DPP8: variants seen among roughly 807,000 people sequenced by gnomAD.
DPP8 encodes the protein dipeptidyl peptidase 8.
DPP8 carries 31 observed loss-of-function variants against 107.5 expected under a neutral mutation model. That is an observed-to-expected ratio of 0.29 (90% confidence interval 0.22 to 0.39). DPP8 has a LOEUF of 0.39. Among genes scored for constraint, DPP8 ranks in the 10% least tolerant of loss-of-function variants. DPP8 has a pLI of 1.00. For synonymous variants in DPP8, 381 were observed against 356.6 expected, an observed-to-expected ratio of 1.07 and a Z score of -0.77; for missense variants, 842 against 1,076.1, an observed-to-expected ratio of 0.78 and a Z score of 3.04.
chr15:65,494,849 C>T (rs1256778141), intron 5 of DPP8, among the ~76,000 whole-genome samples: 4 of 152,076 alleles, frequency 2.6e-5, no homozygotes, highest in African/African-American at 9.7e-5. Flanking sequence ...CTATCCTATG[C>T]TCTAGATTTA....
chr15:65,476,590 C>A (rs1595955179), intron 11 of DPP8, among the ~76,000 whole-genome samples: 1 of 152,242 alleles, frequency 6.6e-6, no homozygotes, highest in East Asian at 1.9e-4. Flanking sequence ...TAGCCACTAC[C>A]GTTGGTGTTC....
At chr15:65,451,193 C>A in intron 18 of DPP8, 83 bp from the exon 19 acceptor site, 2 of 799,686 alleles carry the variant, frequency 2.5e-6, no homozygotes, top group Non-Finnish European at 4.3e-6. Context: ...TCATACTTAA[C>A]CATATTAACT....
chr15:65,449,135 G>A (rs980284444), intron 19 of DPP8, among the ~76,000 whole-genome samples: 10 of 144,292 alleles, frequency 6.9e-5, no homozygotes, highest in African/African-American at 1.8e-4. Flanking sequence ...GCTTGAACCC[G>A]GGAGGCAGAG....
At chr15:65,468,041 T>C (rs1846246417) in intron 12 of DPP8, among the ~76,000 whole-genome samples, 1 of 152,188 alleles carries the variant, frequency 6.6e-6, no homozygotes, top group Non-Finnish European at 1.5e-5. Context: ...CAAATAAACA[T>C]GGATAAGATC....
intron 3 of DPP8, among the ~76,000 whole-genome samples, chr15:65,501,050 T>C (rs1466011379): frequency 2.0e-5 from 3 of 152,096 alleles, no homozygotes; most frequent in Non-Finnish European, 4.4e-5. Flanking sequence ...GCTAATTTTT[T>C]GTGTTTTTAG....
At chr15:65,456,500 C>A (rs2064433054) in intron 15 of DPP8, 129 bp from the exon 16 acceptor site, 4 of 973,696 alleles carry the variant, frequency 4.1e-6, no homozygotes, top group South Asian at 2.0e-5. Context: ...TTTTTTAAGT[C>A]ATTTCTTTTT....
Position 65,474,296 on chromosome 15 carries a change from T to C in DPP8, c.1457-8A>G. 2 of 1,560,942 alleles carry C rather than the reference T, an allele frequency of 1.3e-6. No individual in the cohort carries two copies. Among genetic ancestry groups the C allele is most frequent in the Non-Finnish European group, 1.8e-6 (2 of 1,131,808 alleles). Reference sequence around the variant, plus strand: ...TAGGACACTTGAAATCACCTGAAGATAAATATAATTATAATTCAGTACATT... The same window carrying C: ...TAGGACACTTGAAATCACCTGAAGACAAATATAATTATAATTCAGTACATT... On this transcript the variant is annotated splice_polypyrimidine_tract_variant and splice_region_variant and intron_variant, in intron 11 of 19. Coordinates refer to ENST00000300141, the MANE Select transcript of DPP8 (RefSeq NM_130434.5).
At chr15:65,448,615 T>A (rs1364391531) in intron 19 of DPP8, among the ~76,000 whole-genome samples, 2 of 130,308 alleles carry the variant, frequency 1.5e-5, no homozygotes, top group Non-Finnish European at 3.1e-5. Context: ...GAGCTTGCAG[T>A]AAGCCAAGAT....
Position 65,443,520 on chromosome 15 carries a change from C to A in DPP8, c.*3364G>T, listed in dbSNP as rs1453377609. The A allele has an allele frequency of 2.0e-5, 3 of 151,574 alleles. No individual in the cohort carries two copies. The highest frequency in any genetic ancestry group is 2.0e-4 in the Admixed American group (3 of 15,220). The allele number at this position is 151,574 out of a possible 1,614,324, so 9.4% of individuals were successfully genotyped here. A position where few individuals can be genotyped will look rare whatever the true frequency, so the allele number is the denominator to read the frequency against. On this transcript the variant is annotated 3_prime_UTR_variant, in exon 20 of 20. Coordinates refer to ENST00000300141, the MANE Select transcript of DPP8 (RefSeq NM_130434.5). ...AAAAAAAAAAAGTAAGCATCGGTAT[C>A]AATATCGCATTCTTTTAAAAGGTAA... is the stretch of plus-strand genomic sequence containing the variant.
intron 12 of DPP8, 125 bp downstream of exon 12, chr15:65,474,084 G>A (rs2066165591): frequency 2.8e-6 from 2 of 709,182 alleles, no homozygotes; most frequent in Non-Finnish European, 4.9e-6. Context: ...AGCCCTAGGC[G>A]ACAGAGCAAG....
chr15:65,504,667 C>CAAAAAAAAAA (rs371246881), intron 3 of DPP8, among the ~76,000 whole-genome samples: 2 of 108,840 alleles, frequency 1.8e-5, no homozygotes, highest in African/African-American at 7.8e-5. Context: ...GATTCCGTCT[C>CAAAAAAAAAA]AAAAAAAAAA....
Position 65,474,271 on chromosome 15 carries a change from T to C in DPP8, c.1474A>G (p.Ile492Val), listed in dbSNP as rs200974729. 4 of 1,610,712 alleles carry C rather than the reference T, an allele frequency of 2.5e-6. No homozygotes were observed. The highest frequency in any genetic ancestry group is 2.7e-5 in the African/African-American group (2 of 74,858). Residue 492 changes from isoleucine to valine, a missense_variant, in exon 12 of 20, where the codon ATC becomes GTC. Coordinates refer to ENST00000300141, the MANE Select transcript of DPP8 (RefSeq NM_130434.5). ...CTGGTAATTGCTATCTCCTCTTTGA[T>C]AGGACACTTGAAATCACCTGAAGAT... Reference protein sequence around the residue: ...LPAPSDFKCPIKEEIAITSGE... With the variant: ...LPAPSDFKCPVKEEIAITSGE...
Position 65,498,050 on chromosome 15 carries a change from A to T in DPP8, c.547-18T>A. ...GGTTGTTGCTAGAAAAGTAAACAACATTTTAAGGTAAGTATTAGGCTGACA... is the reference window on the plus strand; with the variant it reads ...GGTTGTTGCTAGAAAAGTAAACAACTTTTTAAGGTAAGTATTAGGCTGACA... On this transcript the variant is annotated intron_variant, in intron 4 of 19. Coordinates refer to ENST00000300141, the MANE Select transcript of DPP8 (RefSeq NM_130434.5). The T allele has an allele frequency of 6.4e-7, 1 of 1,568,752 alleles. No homozygotes were observed. The highest frequency in any genetic ancestry group is 1.7e-4 in the Middle Eastern group (1 of 5,882).
At chr15:65,514,942 A>G (rs1441586845) in intron 1 of DPP8, among the ~76,000 whole-genome samples, 5 of 152,214 alleles carry the variant, frequency 3.3e-5, no homozygotes, top group Non-Finnish European at 7.3e-5. Flanking sequence ...TTGCAAGAAT[A>G]GGGCTGGGGA....
intron 12 of DPP8, among the ~76,000 whole-genome samples, chr15:65,468,972 G>A (rs1228168814): frequency 6.6e-6 from 1 of 152,076 alleles, no homozygotes; most frequent in Non-Finnish European, 1.5e-5. Flanking sequence ...GCCTAAGAAT[G>A]TGCATTTCTT....
chr15:65,505,515 A>C (rs948353247), intron 3 of DPP8, among the ~76,000 whole-genome samples: 4 of 152,208 alleles, frequency 2.6e-5, no homozygotes, highest in Non-Finnish European at 5.9e-5. Context: ...TAAAAGTTTA[A>C]AACAGTTTTG....
In DPP8 at chr15:65,485,618, A is replaced by G. The variant is rs147345482; in HGVS notation, c.956-458T>C. 1.3e-3 allele frequency among the ~76,000 whole-genome samples: 203 copies of G among 151,298 alleles called. 1 individual carries two copies. Among genetic ancestry groups the G allele is most frequent in the African/African-American group, 4.6e-3 (189 of 41,124 alleles). Reference sequence around the variant, plus strand: ...AGTAATGCTTACCCAAAATTACTCAAATTAATTTTGCCAGATCAATTCTCT... The same window carrying G: ...AGTAATGCTTACCCAAAATTACTCAGATTAATTTTGCCAGATCAATTCTCT... On this transcript the variant is annotated intron_variant, in intron 7 of 19. Coordinates refer to ENST00000300141, the MANE Select transcript of DPP8 (RefSeq NM_130434.5).
chr15:65,444,448 C>T lies in DPP8; in HGVS notation c.*2436G>A, dbSNP rs1229073705. ...TGTTGCTACTTTTATATATTCTTGCCGTTTAAGCTGTTACCCATACTCAGG... is the reference window on the plus strand; with the variant it reads ...TGTTGCTACTTTTATATATTCTTGCTGTTTAAGCTGTTACCCATACTCAGG... On this transcript the variant is annotated 3_prime_UTR_variant, in exon 20 of 20. Transcript: ENST00000300141. 2 of 152,120 alleles carry T rather than the reference C, an allele frequency of 1.3e-5. No individual in the cohort carries two copies. Among genetic ancestry groups the T allele is most frequent in the East Asian group, 1.9e-4 (1 of 5,200 alleles). 9.4% of individuals were successfully genotyped at this position (152,120 alleles called of 1,614,324 possible). A position where few individuals can be genotyped will look rare whatever the true frequency, so the allele number is the denominator to read the frequency against.
intron 6 of DPP8, among the ~76,000 whole-genome samples, chr15:65,489,413 C>CTTTT (rs71924792): frequency 0.74 from 77,383 of 104,172 alleles, 32,284 homozygotes; most frequent in Middle Eastern, 0.82. Context: ...ATATAATCTA[C>CTTTT]TTTTTTTTTT....
Sources: gnomAD v4.1 joint callset for allele counts (sites outside exome capture counted in the v4.1 genomes callset) on GRCh38, gnomAD v4.1.1 for gene constraint, MANE v1.5 for transcripts, NCBI Gene and HGNC (gene_info 2026-07-23, HGNC 2026-07-21) for gene names.